USP15: variants seen among roughly 807,000 people sequenced by gnomAD.
USP15 encodes ubiquitin specific peptidase 15.
In USP15, 18 loss-of-function variants were observed where a neutral mutation model predicts 127.1. The observed-to-expected ratio is 0.14, with a 90% CI of 0.10 to 0.21. USP15 has a LOEUF of 0.21. USP15 is among the 10% of genes least tolerant of loss of function. The pLI is 1.00. For synonymous variants in USP15, 364 were observed against 393.7 expected, an observed-to-expected ratio of 0.92 and a Z score of 0.89; for missense variants, 805 against 1,159.9, an observed-to-expected ratio of 0.69 and a Z score of 4.44.
rs2068083124 is a variant in USP15 at position 62,413,419 on chromosome 12, A to C, written c.*9044A>C. ...TGAAAGTCCTGGATGACATCTTCCA[A>C]CATAAGACTTTCATCTACATTGAAA... On this transcript the variant is annotated 3_prime_UTR_variant, in exon 22 of 22. Transcript: ENST00000280377. 1 of 152,238 alleles carries C rather than the reference A, an allele frequency of 6.6e-6. No homozygotes were observed. Among genetic ancestry groups the C allele is most frequent in the South Asian group, 2.1e-4 (1 of 4,826 alleles). The allele number at this position is 152,238 out of a possible 1,614,324, so 9.4% of individuals were successfully genotyped here. A position where few individuals can be genotyped will look rare whatever the true frequency, so the allele number is the denominator to read the frequency against.
intron 3 of USP15, 30 bp from the exon 4 acceptor site, chr12:62,314,760 A>G: frequency 6.6e-7 from 1 of 1,508,484 alleles, no homozygotes. Context: ...GATATAGGTG[A>G]CACTGATTTG....
At chr12:62,307,531 G>A (rs1378224559) in intron 3 of USP15, among the ~76,000 whole-genome samples, 2 of 152,026 alleles carry the variant, frequency 1.3e-5, no homozygotes, top group East Asian at 1.9e-4. Context: ...TAGTTCACAG[G>A]CCTATACATC....
chr12:62,336,501 T>C, intron 6 of USP15: 1 of 984,716 alleles, frequency 1.0e-6, no homozygotes, highest in Non-Finnish European at 1.2e-6. Flanking sequence ...CCCTTTACAT[T>C]CTTGAAAATT....
intron 4 of USP15, among the ~76,000 whole-genome samples, chr12:62,319,298 C>T (rs943137660): frequency 6.6e-6 from 1 of 152,174 alleles, no homozygotes; most frequent in African/African-American, 2.4e-5. Flanking sequence ...CCAGTCATCT[C>T]CCACCAGGTG....
chr12:62,312,003 C>G (rs1364153287), intron 3 of USP15, among the ~76,000 whole-genome samples: 3 of 151,712 alleles, frequency 2.0e-5, no homozygotes, highest in Non-Finnish European at 4.4e-5. Flanking sequence ...GATGGAAAAT[C>G]ACATACATAG....
At position 62,389,645 on chromosome 12, in the gene USP15, T is replaced by C; in HGVS notation, c.1598T>C (p.Ile533Thr). 1 of 1,613,390 alleles carries C rather than the reference T, an allele frequency of 6.2e-7. No homozygotes were observed. The highest frequency in any genetic ancestry group is 8.5e-7 in the Non-Finnish European group (1 of 1,179,594). Residue 533 changes from isoleucine to threonine, a missense_variant, in exon 13 of 22, where the codon ATA (isoleucine) becomes ACA (threonine). Physicochemically the swap from Ile to Thr is moderately conservative, Grantham distance 89. Coordinates refer to ENST00000280377, the MANE Select transcript of USP15 (RefSeq NM_001252078.2). ...ATATACAATCATAGATTTCACAGAA[T>C]ATTCGCTATGGATGAAAACCTTAGT... ...TDIYNHRFHR[I>T]FAMDENLSSI... is the part of the protein sequence containing the mutation.
chr12:62,307,217 C>T (rs1046168751), intron 3 of USP15, among the ~76,000 whole-genome samples: 1 of 152,138 alleles, frequency 6.6e-6, no homozygotes, highest in Non-Finnish European at 1.5e-5. Flanking sequence ...ACCTCCCAAA[C>T]TCCAATAAGT....
intron 1 of USP15, among the ~76,000 whole-genome samples, chr12:62,272,793 C>T (rs1258164404): frequency 6.6e-6 from 1 of 152,010 alleles, no homozygotes; most frequent in African/African-American, 2.4e-5. Flanking sequence ...ATAATGCCTT[C>T]AGAATATTTA....
intron 6 of USP15, chr12:62,335,017 G>A: frequency 1.5e-6 from 1 of 686,874 alleles, no homozygotes; most frequent in Non-Finnish European, 2.4e-6. Context: ...AACCACTTCA[G>A]CTAAATGGAA....
At chr12:62,304,009 C>T (rs1465178884) in intron 3 of USP15, among the ~76,000 whole-genome samples, 11 of 151,244 alleles carry the variant, frequency 7.3e-5, no homozygotes, top group African/African-American at 2.7e-4. Context: ...AGAATTATTT[C>T]ATTCCTAGGA....
chr12:62,404,252 T>C lies in USP15; in HGVS notation c.2823T>C (p.Phe941=). The change falls in exon 22 of 22, where the codon TTT becomes TTC. Residue 941 remains phenylalanine (F), a synonymous_variant. Coordinates refer to ENST00000280377, the MANE Select transcript of USP15 (RefSeq NM_001252078.2). Reference sequence around the variant, plus strand: ...AAGACACTTTCAGTGGAACTGGCTTTTTTCCTCTTGACCGAGAAACTAAAG... The same window carrying C: ...AAGACACTTTCAGTGGAACTGGCTTCTTTCCTCTTGACCGAGAAACTAAAG... ...QRQDTFSGTG[F]FPLDRETKGA... 6.2e-7 allele frequency: 1 copy of C among 1,613,366 alleles called. No individual in the cohort carries two copies. The highest frequency in any genetic ancestry group is 8.5e-7 in the Non-Finnish European group (1 of 1,179,428).
In USP15 at chr12:62,260,496, G is replaced by C; in HGVS notation, c.82G>C (p.Asp28His). Reference sequence around the variant, plus strand: ...GCTCAAAACCTCGCTCCGGAAAGGGGACACCTGGTAAGAGAAAGGGGTTGA... The same window carrying C: ...GCTCAAAACCTCGCTCCGGAAAGGGCACACCTGGTAAGAGAAAGGGGTTGA... ...TLLKTSLRKG[D>H]TWYLVDSRWF... Residue 28 changes from aspartate (D) to histidine (H), a missense_variant, in exon 1 of 22, where the codon GAC becomes CAC. Around this residue, in one of 11 missense-constraint regions of USP15, gnomAD observed 45 missense variants for 37.8 expected, o/e 1.19. Coordinates refer to ENST00000280377, the MANE Select transcript of USP15 (RefSeq NM_001252078.2). 1 of 1,551,384 alleles carries C rather than the reference G, an allele frequency of 6.4e-7. No homozygotes were observed. Among genetic ancestry groups the C allele is most frequent in the Non-Finnish European group, 8.7e-7 (1 of 1,147,114 alleles).
chr12:62,328,337 T>A (rs762082671), intron 6 of USP15: 3 of 452,650 alleles, frequency 6.6e-6, no homozygotes, highest in South Asian at 4.7e-5. Flanking sequence ...ACTGCTGATG[T>A]AGTATGAAAG....
intron 1 of USP15, chr12:62,267,332 G>C (rs1159762538): frequency 6.6e-6 from 1 of 152,072 alleles, no homozygotes; most frequent in Non-Finnish European, 1.5e-5. Flanking sequence ...CATAAGCCTA[G>C]TAAGTAGCCT....
intron 2 of USP15, among the ~76,000 whole-genome samples, chr12:62,300,640 A>G (rs1182519645): frequency 6.6e-6 from 1 of 152,150 alleles, no homozygotes; most frequent in Non-Finnish European, 1.5e-5. Context: ...AAAAGGTAAA[A>G]GAGGAATTCA....
At chr12:62,335,869 C>A in intron 6 of USP15, 1 of 985,348 alleles carries the variant, frequency 1.0e-6, no homozygotes. Flanking sequence ...TAAAGAAATT[C>A]TCTGAATTTG....
intron 20 of USP15, among the ~76,000 whole-genome samples, chr12:62,399,236 T>C (rs943804986): frequency 1.3e-5 from 2 of 152,128 alleles, no homozygotes; most frequent in African/African-American, 4.8e-5. Flanking sequence ...CAAGAAACAA[T>C]ACAGCATGCA....
intron 6 of USP15, among the ~76,000 whole-genome samples, chr12:62,347,238 TCA>T (rs2065845574): frequency 6.6e-6 from 1 of 151,706 alleles, no homozygotes; most frequent in Admixed American, 6.6e-5. Context: ...AATATAGTTC[TCA>T]GAGTTGCTAA....
At chr12:62,385,852 A>G (rs145472766) in intron 11 of USP15, among the ~76,000 whole-genome samples, 1 of 152,108 alleles carries the variant, frequency 6.6e-6, no homozygotes, top group Non-Finnish European at 1.5e-5. Context: ...AGCGTAGAAT[A>G]ATAAGTATAA....
Sources: gnomAD v4.1 joint callset for allele counts (sites outside exome capture counted in the v4.1 genomes callset) on GRCh38, gnomAD v4.1.1 for gene constraint, gnomAD v4.1.1 regional missense constraint, MANE v1.5 for transcripts, NCBI Gene and HGNC (gene_info 2026-07-23, HGNC 2026-07-21) for gene names.